TTC39B: variants seen among roughly 807,000 people sequenced by gnomAD.
TTC39B encodes the protein tetratricopeptide repeat domain 39B, also known as tetratricopeptide repeat protein 39B.
Under a neutral mutation model 96.6 loss-of-function variants are expected in TTC39B, and 92 were observed. The ratio of observed to expected loss-of-function variants is 0.95; its 90% CI spans 0.80 to 1.13. The LOEUF (loss-of-function observed/expected upper bound fraction) is 1.13. Among genes scored for constraint, TTC39B ranks in the 50% most tolerant of loss-of-function variants. The pLI is 0.00. For synonymous variants in TTC39B, 367 were observed against 299.4 expected, an observed-to-expected ratio of 1.23 and a Z score of -2.33; for missense variants, 955 against 809.3, an observed-to-expected ratio of 1.18 and a Z score of -2.18.
chr9:15,261,153 CCA>C (rs1822930559), intron 2 of TTC39B, among the ~76,000 whole-genome samples: 1 of 152,062 alleles, frequency 6.6e-6, no homozygotes, highest in African/African-American at 2.4e-5. Flanking sequence ...GTCCCATTGC[CCA>C]CAGTGGTTTT....
chr9:15,168,990 C>G (rs1817579796), exon 20 of TTC39B: 1 of 151,966 alleles, frequency 6.6e-6, no homozygotes. Context: ...GATTTGAAGC[C>G]CTAATAAAAG....
chr9:15,291,408 C>G (rs1160420015), intron 1 of TTC39B, among the ~76,000 whole-genome samples: 1 of 152,220 alleles, frequency 6.6e-6, no homozygotes, highest in Non-Finnish European at 1.5e-5. Context: ...ACGTGACTTG[C>G]TCCTCCTTGC....
At chr9:15,264,967 G>A (rs1456035409) in intron 2 of TTC39B, among the ~76,000 whole-genome samples, 3 of 151,980 alleles carry the variant, frequency 2.0e-5, no homozygotes, top group Non-Finnish European at 4.4e-5. Flanking sequence ...CAGGCATCTA[G>A]ATCAAAGGAA....
chr9:15,170,022 G>C (rs974538168), exon 20 of TTC39B: 2 of 151,998 alleles, frequency 1.3e-5, no homozygotes, highest in East Asian at 1.9e-4. Flanking sequence ...TCTTCTAAGA[G>C]CTTTTTTCCA....
At chr9:15,251,958 C>T (rs1030644276) in intron 2 of TTC39B, among the ~76,000 whole-genome samples, 1 of 151,788 alleles carries the variant, frequency 6.6e-6, no homozygotes, top group African/African-American at 2.4e-5. Context: ...GGGAGCAGAG[C>T]CCACAAGGTC....
chr9:15,244,984 G>C lies in TTC39B; in HGVS notation c.276-18972C>G, dbSNP rs562025428. 3.9e-5 allele frequency among the ~76,000 whole-genome samples: 6 copies of C among 152,324 alleles called. No individual in the cohort carries two copies. In the East Asian group the frequency reaches 1.2e-3, roughly 29 times the overall value. On this transcript the variant is annotated intron_variant, in intron 2 of 19. Transcript: ENST00000512701. ...TCCAAAAAGTCATTTTCTCAGGCTA[G>C]ATAGTATGTTTCTTCTCTGGGTTCT...
At chr9:15,184,193 G>A (rs1276312042) in intron 16 of TTC39B, among the ~76,000 whole-genome samples, 4 of 152,094 alleles carry the variant, frequency 2.6e-5, no homozygotes, top group African/African-American at 4.8e-5. Flanking sequence ...AATACTATCA[G>A]TACTTATTTA....
At chr9:15,276,272 C>G (rs115372100) in intron 1 of TTC39B, among the ~76,000 whole-genome samples, 1 of 152,188 alleles carries the variant, frequency 6.6e-6, no homozygotes, top group Non-Finnish European at 1.5e-5. Flanking sequence ...AGATACAACA[C>G]GAGTGTGCTT....
At chr9:15,236,767 T>G (rs1053248536) in intron 2 of TTC39B, among the ~76,000 whole-genome samples, 18 of 152,258 alleles carry the variant, frequency 1.2e-4, no homozygotes, top group African/African-American at 4.1e-4. Flanking sequence ...AAAATTCTTT[T>G]AAATGAATGA....
intron 1 of TTC39B, among the ~76,000 whole-genome samples, chr9:15,282,711 G>A (rs1389148420): frequency 6.6e-6 from 1 of 152,146 alleles, no homozygotes; most frequent in East Asian, 1.9e-4. Flanking sequence ...ACCCTCGGTA[G>A]TGGCTTCATA....
intron 6 of TTC39B, among the ~76,000 whole-genome samples, chr9:15,207,847 G>A (rs1011633301): frequency 1.2e-4 from 18 of 151,128 alleles, no homozygotes; most frequent in African/African-American, 4.4e-4. Flanking sequence ...AGCCAGGCGT[G>A]GTGGCGGGCA....
At chr9:15,285,741 G>A (rs1320316220) in intron 1 of TTC39B, among the ~76,000 whole-genome samples, 1 of 151,912 alleles carries the variant, frequency 6.6e-6, no homozygotes, top group East Asian at 2.0e-4. Flanking sequence ...TGTAGTCCCA[G>A]CTACTCAGGA....
chr9:15,250,083 A>T, intron 2 of TTC39B: 2 of 1,277,888 alleles, frequency 1.6e-6, no homozygotes, highest in Admixed American at 2.4e-5. Flanking sequence ...CTTGGTCTCC[A>T]GTGAGACTCT....
At chr9:15,291,706 G>T (rs1824195275) in intron 1 of TTC39B, among the ~76,000 whole-genome samples, 1 of 152,054 alleles carries the variant, frequency 6.6e-6, no homozygotes, top group Admixed American at 6.6e-5. Flanking sequence ...TTGAACAAAA[G>T]GGACCGTCAC....
chr9:15,178,071 G>A lies in TTC39B; in HGVS notation c.1724-257C>T, dbSNP rs377194316. 1.3e-4 allele frequency among the ~76,000 whole-genome samples: 19 copies of A among 151,772 alleles called. No homozygotes were observed. In the East Asian group the frequency reaches 2.6e-3, roughly 20 times the overall value. ...TTTTTAGTAGAGATGGGGTTTCACC[G>A]TGTTAGCCAGGATGGTCTCGATCTC... On this transcript the variant is annotated intron_variant, in intron 17 of 19. Transcript: ENST00000512701.
chr9:15,287,945 C>CAAAAAAAAAAAAAAAA (rs762069142), intron 1 of TTC39B, among the ~76,000 whole-genome samples: 2 of 68,950 alleles, frequency 2.9e-5, no homozygotes, highest in Non-Finnish European at 5.2e-5. Context: ...GACTCCATCT[C>CAAAAAAAAAAAAAAAA]AAAAAAAAAA....
At chr9:15,199,834 C>T (rs1216516640) in intron 8 of TTC39B, 27 bp downstream of exon 8, 1 of 1,177,824 alleles carries the variant, frequency 8.5e-7, no homozygotes, top group Non-Finnish European at 1.2e-6. Flanking sequence ...AAATTATTTA[C>T]AAACCACATC....
At chr9:15,229,108 T>G (rs1269719015) in intron 2 of TTC39B, among the ~76,000 whole-genome samples, 1 of 152,262 alleles carries the variant, frequency 6.6e-6, no homozygotes, top group African/African-American at 2.4e-5. Flanking sequence ...GTTTTAAGAA[T>G]GCATTTTCTC....
At chr9:15,261,912 A>G (rs182133746) in intron 2 of TTC39B, among the ~76,000 whole-genome samples, 77 of 152,338 alleles carry the variant, frequency 5.1e-4, no homozygotes, top group African/African-American at 1.6e-3. Context: ...TCAGAGCACT[A>G]GAAGTGCAAA....
Sources: gnomAD v4.1 joint callset for allele counts (sites outside exome capture counted in the v4.1 genomes callset) on GRCh38, gnomAD v4.1.1 for gene constraint, MANE v1.5 for transcripts, NCBI Gene and HGNC (gene_info 2026-07-23, HGNC 2026-07-21) for gene names.